Variants in KCNMB1 observed in about 807,000 individuals in gnomAD.
KCNMB1 encodes the protein calcium-activated potassium channel subunit beta-1.
Under a neutral mutation model 21.7 loss-of-function variants are expected in KCNMB1, and 22 were observed. The ratio of observed to expected loss-of-function variants is 1.01; its 90% CI spans 0.72 to 1.45. The LOEUF (loss-of-function observed/expected upper bound fraction) is 1.45, where lower values mean the gene tolerates loss of function less well. Ranked by LOEUF, KCNMB1 falls within the 40% of genes most tolerant of loss-of-function variation. KCNMB1 has a pLI of 0.00. For synonymous variants in KCNMB1, 114 were observed against 107.6 expected (o/e 1.06, Z -0.37); for missense variants, 243 against 243.4 (o/e 1.00, Z 0.01).
chr5:170,379,389 C>T (rs573405749), intron 3 of KCNMB1, among the ~76,000 whole-genome samples: 3 of 152,168 alleles, frequency 2.0e-5, no homozygotes, highest in Admixed American at 6.5e-5. Context: ...GGGAGGGACA[C>T]AGGCCAAGTG....
intron 3 of KCNMB1, 155 bp downstream of exon 3, chr5:170,383,524 C>T: frequency 1.2e-6 from 1 of 820,742 alleles, no homozygotes; most frequent in South Asian, 1.6e-5. Context: ...GTGACTCCAA[C>T]ACAGAAGAGC....
At chr5:170,380,164 C>T (rs1269356680) in intron 3 of KCNMB1, among the ~76,000 whole-genome samples, 2 of 152,076 alleles carry the variant, frequency 1.3e-5, no homozygotes, top group Admixed American at 6.6e-5. Context: ...AACTTTCTGC[C>T]CTGTTCAGAT....
At position 170,378,987 on chromosome 5, in the gene KCNMB1, C is replaced by G; in HGVS notation, c.307-14G>C. 1.2e-6 allele frequency: 2 copies of G among 1,611,796 alleles called. No homozygotes were observed. The highest frequency in any genetic ancestry group is 8.5e-7 in the Non-Finnish European group (1 of 1,178,430). On this transcript the variant is annotated splice_polypyrimidine_tract_variant and intron_variant, in intron 3 of 3. Transcript: ENST00000274629. The stretch of plus-strand genomic sequence containing the variant: ...GATGTAGGAGCACTGTGGGGAGAAA[C>G]AAGAGCAGCTGTGGGCTTGGAAATC...
intron 1 of KCNMB1, among the ~76,000 whole-genome samples, chr5:170,386,431 C>T (rs937078098): frequency 6.6e-6 from 1 of 152,166 alleles, no homozygotes; most frequent in Non-Finnish European, 1.5e-5. Flanking sequence ...AAATTTCTGT[C>T]GTTTGAGGCC....
intron 3 of KCNMB1, among the ~76,000 whole-genome samples, chr5:170,381,100 C>T (rs970805610): frequency 6.6e-6 from 1 of 152,164 alleles, no homozygotes; most frequent in Non-Finnish European, 1.5e-5. Flanking sequence ...GGCTTCTGTC[C>T]ATCCTGGGCC....
chr5:170,377,867 C>G lies in KCNMB1; in HGVS notation c.*837G>C, dbSNP rs966240429. ...GATTACAGGAGTGAGCCACCGCGCC[C>G]GGCCCAGAGGGGTTTTTAAGATTGT... On this transcript the variant is annotated 3_prime_UTR_variant, in exon 4 of 4. Coordinates refer to ENST00000274629, the MANE Select transcript of KCNMB1 (RefSeq NM_004137.4). The G allele has an allele frequency of 6.6e-6, 1 of 152,168 alleles. No individual in the cohort carries two copies. Among genetic ancestry groups the G allele is most frequent in the African/African-American group, 2.4e-5 (1 of 41,424 alleles). The allele number at this position is 152,168 out of a possible 1,614,324, so 9.4% of individuals were successfully genotyped here.
intron 3 of KCNMB1, among the ~76,000 whole-genome samples, chr5:170,381,197 A>G (rs989990579): frequency 2.0e-5 from 3 of 152,096 alleles, no homozygotes; most frequent in Non-Finnish European, 4.4e-5. Context: ...TTCACTCTTC[A>G]TGGCCAAACC....
chr5:170,385,631 T>C (rs924957206), intron 1 of KCNMB1, among the ~76,000 whole-genome samples, 160 bp from the exon 2 acceptor site: 1 of 152,036 alleles, frequency 6.6e-6, no homozygotes, highest in Non-Finnish European at 1.5e-5. Flanking sequence ...TTGGACCCCA[T>C]GTAAGCCTTC....
intron 3 of KCNMB1, among the ~76,000 whole-genome samples, chr5:170,379,746 C>A (rs761371007): frequency 6.6e-6 from 1 of 151,866 alleles, no homozygotes. Context: ...CCCAGGAGTT[C>A]GAGACTAGCC....
intron 3 of KCNMB1, chr5:170,383,027 G>T (rs1764311626): frequency 6.6e-6 from 1 of 151,502 alleles, no homozygotes; most frequent in African/African-American, 2.4e-5. Flanking sequence ...AAGGAGGGAA[G>T]AAAGGGAAAA....
Position 170,378,752 on chromosome 5 carries a change from G to A in KCNMB1, c.528C>T (p.Ala176=), listed in dbSNP as rs1195980374. Residue 176 remains alanine (A), a synonymous_variant, in exon 4 of 4, where the codon GCC becomes GCT. Transcript: ENST00000274629. ...ACAGGTACTGGTTGCTCTTCACCATGGCGATAATGAGGAGGCCACCGGTCA... is the reference window on the plus strand; with the variant it reads ...ACAGGTACTGGTTGCTCTTCACCATAGCGATAATGAGGAGGCCACCGGTCA... ...FLLTGGLLII[A]MVKSNQYLSI... is the part of the protein sequence containing the mutation. 3.1e-6 allele frequency: 5 copies of A among 1,614,032 alleles called. No homozygotes were observed. The highest frequency in any genetic ancestry group is 4.2e-6 in the Non-Finnish European group (5 of 1,180,030).
In KCNMB1 at chr5:170,383,484, A is replaced by C. The variant is rs1313095025; in HGVS notation, c.306+195T>G. The C allele has an allele frequency of 5.7e-5, 37 of 650,654 alleles. No homozygotes were observed. In the Admixed American group the frequency reaches 7.9e-4, roughly 14 times the overall value. 40.3% of individuals were successfully genotyped at this position (650,654 alleles called of 1,614,324 possible). ...GTGGCCTGCCTATGTTTACACAGCC[A>C]GTTAGCGGCAGATTCAAACCCAGGT... is the stretch of plus-strand genomic sequence containing the variant. On this transcript the variant is annotated intron_variant, in intron 3 of 3. Coordinates refer to ENST00000274629, the MANE Select transcript of KCNMB1 (RefSeq NM_004137.4).
At chr5:170,381,962 T>G (rs1275415756) in intron 3 of KCNMB1, among the ~76,000 whole-genome samples, 1 of 152,142 alleles carries the variant, frequency 6.6e-6, no homozygotes, top group Non-Finnish European at 1.5e-5. Context: ...CTGACCATCC[T>G]GCACTGCCCA....
In KCNMB1 at chr5:170,383,767, TG is replaced by T. The variant is rs756228892; in HGVS notation, c.217del (p.Gln73SerfsTer96). The T allele has an allele frequency of 6.2e-7, 1 of 1,614,164 alleles. No homozygotes were observed. Among genetic ancestry groups the T allele is most frequent in the Non-Finnish European group, 8.5e-7 (1 of 1,180,008 alleles). On this transcript the variant is annotated frameshift_variant, in exon 3 of 4. Coordinates refer to ENST00000274629, the MANE Select transcript of KCNMB1 (RefSeq NM_004137.4). LOFTEE classifies it high-confidence loss of function. ...CACGTTGACCCACAGGCATGGGTAC[TG>T]GGGCACCTTCTTGCCCTTCAGCTCC... is the stretch of plus-strand genomic sequence containing the variant. ...QEELKGKKVP[Q>X]YPCLWVNVSA...
intron 1 of KCNMB1, among the ~76,000 whole-genome samples, chr5:170,388,943 C>T (rs1309642661): frequency 6.6e-6 from 1 of 152,212 alleles, no homozygotes; most frequent in Non-Finnish European, 1.5e-5. Flanking sequence ...CTTGATGAAT[C>T]TATTTTTGTC....
intron 1 of KCNMB1, among the ~76,000 whole-genome samples, chr5:170,386,170 G>T (rs1362306726): frequency 6.6e-6 from 1 of 152,056 alleles, no homozygotes; most frequent in Non-Finnish European, 1.5e-5. Flanking sequence ...TTGAAATGGG[G>T]AGACAATATT....
Position 170,378,510 on chromosome 5 carries a change from G to T in KCNMB1, c.*194C>A. On this transcript the variant is annotated 3_prime_UTR_variant, in exon 4 of 4. Transcript: ENST00000274629. ...GCCTCCAAGGCATTGGGGAGCCACT[G>T]TACATTCTTGAGCAGGCAATGACTT... 1 of 664,294 alleles carries T rather than the reference G, an allele frequency of 1.5e-6. No homozygotes were observed. The highest frequency in any genetic ancestry group is 2.5e-6 in the Non-Finnish European group (1 of 393,438). 41.1% of individuals were successfully genotyped at this position (664,294 alleles called of 1,614,324 possible). A position where few individuals can be genotyped will look rare whatever the true frequency, so the allele number is the denominator to read the frequency against.
At chr5:170,384,670 G>T (rs530020968) in intron 2 of KCNMB1, among the ~76,000 whole-genome samples, 1 of 152,234 alleles carries the variant, frequency 6.6e-6, no homozygotes, top group Non-Finnish European at 1.5e-5. Context: ...CTAAGGACAG[G>T]CTGGGGGAAC....
chr5:170,385,067 G>A (rs1279739421), intron 2 of KCNMB1, among the ~76,000 whole-genome samples: 2 of 152,142 alleles, frequency 1.3e-5, no homozygotes, highest in Non-Finnish European at 2.9e-5. Flanking sequence ...GGCATCATGT[G>A]TCTGTTACCA....
Sources: gnomAD v4.1 joint callset for allele counts (sites outside exome capture counted in the v4.1 genomes callset) on GRCh38, gnomAD v4.1.1 for gene constraint, MANE v1.5 for transcripts, NCBI Gene and HGNC (gene_info 2026-07-23, HGNC 2026-07-21) for gene names.